The following ZNF385C variants were observed in gnomAD, a reference collection of about 807,000 sequenced individuals.
The protein encoded by ZNF385C is CTD-2132N18.2.
ZNF385C carries 28 observed loss-of-function variants against 35.4 expected under a neutral mutation model. The ratio of observed to expected loss-of-function variants is 0.79; its 90% CI spans 0.59 to 1.08. The LOEUF (loss-of-function observed/expected upper bound fraction) is 1.08. Among genes scored for constraint, ZNF385C ranks in the 50% least tolerant of loss-of-function variants. The pLI is 0.00. For synonymous variants in ZNF385C, 248 were observed against 248.2 expected, an observed-to-expected ratio of 1.00 and a Z score of 0.01; for missense variants, 605 against 595.6, an observed-to-expected ratio of 1.02 and a Z score of -0.16.
chr17:42,061,198 A>C, intron 2 of ZNF385C: 1 of 139,948 alleles, frequency 7.1e-6, no homozygotes, highest in Non-Finnish European at 1.5e-5. Flanking sequence ...TTGGTGAATT[A>C]ATGAGTTAAT....
intron 3 of ZNF385C, among the ~76,000 whole-genome samples, chr17:42,034,923 T>C (rs1555655293): frequency 6.6e-6 from 1 of 150,984 alleles, no homozygotes; most frequent in African/African-American, 2.4e-5. Context: ...GGTCAGGAGT[T>C]CAAGACCAGC....
At chr17:42,087,199 C>CA (rs1352787245) in intron 1 of ZNF385C, among the ~76,000 whole-genome samples, 1 of 151,766 alleles carries the variant, frequency 6.6e-6, no homozygotes, top group Non-Finnish European at 1.5e-5. Context: ...GGGTTAAGTA[C>CA]AAAAAAAGAC....
At chr17:42,040,559 G>A (rs1157341113) in intron 2 of ZNF385C, 6 of 1,232,730 alleles carry the variant, frequency 4.9e-6, no homozygotes, top group African/African-American at 1.6e-5. Context: ...AACTGGCGCA[G>A]GGCCAGGGCC....
chr17:42,031,622 T>C lies in ZNF385C; in HGVS notation c.673A>G (p.Lys225Glu), dbSNP rs1555655003. ...ASGAPGEPQS[K>E]VPAAPPLGPP... ...AAGAGAAGAGCTCAGGACTGACCTT[T>C]ACTCTGTGGCTCTCCAGGGGCTCCA... Residue 225 changes from lysine (K) to glutamate (E), a missense_variant, in exon 5 of 9, where the codon AAA (lysine) becomes GAA (glutamate). Physicochemically the swap from Lys to Glu is moderately conservative, Grantham distance 56. Transcript: ENST00000692273. 6.4e-7 allele frequency: 1 copy of C among 1,550,508 alleles called. No homozygotes were observed. The highest frequency in any genetic ancestry group is 1.2e-5 in the South Asian group (1 of 84,058).
intron 2 of ZNF385C, among the ~76,000 whole-genome samples, chr17:42,056,476 C>T (rs1212800669): frequency 6.6e-6 from 1 of 152,186 alleles, no homozygotes; most frequent in Non-Finnish European, 1.5e-5. Context: ...AGCCAGAAAC[C>T]TGGGGCTGGG....
chr17:42,082,265 G>A (rs1489250859), intron 1 of ZNF385C, among the ~76,000 whole-genome samples: 10 of 151,932 alleles, frequency 6.6e-5, no homozygotes, highest in African/African-American at 1.7e-4. Context: ...GGTATGACTC[G>A]TGACCTCAGT....
chr17:42,036,167 G>T (rs2052852138), intron 3 of ZNF385C, among the ~76,000 whole-genome samples: 1 of 151,272 alleles, frequency 6.6e-6, no homozygotes, highest in South Asian at 2.1e-4. Flanking sequence ...GCTAATTTTT[G>T]TATTTTTAGT....
intron 2 of ZNF385C, among the ~76,000 whole-genome samples, chr17:42,044,918 C>CTTTT (rs71157603): frequency 7.5e-6 from 1 of 132,608 alleles, no homozygotes; most frequent in Non-Finnish European, 1.6e-5. Context: ...CCAACTCTAC[C>CTTTT]TTTTTTTTTT....
chr17:42,066,443 C>T (rs2053547518), intron 1 of ZNF385C, among the ~76,000 whole-genome samples: 1 of 152,124 alleles, frequency 6.6e-6, no homozygotes, highest in Non-Finnish European at 1.5e-5. Context: ...TCATGATGTA[C>T]CTGGGTCACT....
chr17:42,053,360 C>T (rs1204775797), intron 2 of ZNF385C, among the ~76,000 whole-genome samples: 1 of 151,942 alleles, frequency 6.6e-6, no homozygotes, highest in Non-Finnish European at 1.5e-5. Flanking sequence ...TTGATTTGGA[C>T]CCCAGTGCAG....
intron 3 of ZNF385C, among the ~76,000 whole-genome samples, chr17:42,035,717 A>T (rs2052841160): frequency 6.6e-6 from 1 of 151,422 alleles, no homozygotes; most frequent in South Asian, 2.1e-4. Context: ...ACGTCTGGCT[A>T]ATTTTTGTTA....
chr17:42,027,748 A>T lies in ZNF385C; in HGVS notation c.1165-20T>A, dbSNP rs782795172. The T allele has an allele frequency of 1.1e-5, 18 of 1,606,912 alleles. No homozygotes were observed. The African/African-American group carries it at 2.4e-4, about 22-fold the overall frequency. On this transcript the variant is annotated intron_variant, in intron 7 of 8. Coordinates refer to ENST00000692273, the MANE Select transcript of ZNF385C (RefSeq NM_001392013.1). ...CATGTGCTAATGGACAGACAGACAG[A>T]CTGGGAACAAGATGACAAAGCCCAA...
intron 1 of ZNF385C, among the ~76,000 whole-genome samples, chr17:42,066,189 A>T (rs1385043044): frequency 6.6e-6 from 1 of 152,070 alleles, no homozygotes; most frequent in Non-Finnish European, 1.5e-5. Context: ...CCTCCCGAGT[A>T]GCTGGGACTA....
intron 2 of ZNF385C, chr17:42,043,239 G>A (rs782390728): frequency 5.7e-6 from 7 of 1,232,224 alleles, no homozygotes; most frequent in Non-Finnish European, 7.1e-6. Flanking sequence ...GGCGGCACTC[G>A]AGGCAGAACA....
At chr17:42,027,919 C>T in intron 7 of ZNF385C, 131 bp downstream of exon 7, 1 of 1,303,996 alleles carries the variant, frequency 7.7e-7, no homozygotes, top group Admixed American at 2.2e-5. Context: ...GGCCCACTGG[C>T]CTGCTGGCCT....
rs191488160 is a variant in ZNF385C at position 42,055,732 on chromosome 17, G to T, written c.250+7075C>A. On this transcript the variant is annotated intron_variant, in intron 2 of 8. Transcript: ENST00000692273. ...ATTAATCCATCTGCAGGGAGTGGGGGTGAGAAGCTCATCAAGCCAGTGACT... is the reference window on the plus strand; with the variant it reads ...ATTAATCCATCTGCAGGGAGTGGGGTTGAGAAGCTCATCAAGCCAGTGACT... Among the ~76,000 whole-genome samples the T allele has an allele frequency of 2.0e-3, 308 of 152,216 alleles. 3 individuals are homozygous for T. Among genetic ancestry groups the T allele is most frequent in the African/African-American group, 6.6e-3 (273 of 41,530 alleles).
intron 2 of ZNF385C, among the ~76,000 whole-genome samples, chr17:42,060,487 G>A (rs1192434538): frequency 2.6e-5 from 4 of 152,090 alleles, no homozygotes; most frequent in African/African-American, 9.7e-5. Context: ...CACACTGATG[G>A]CCAGTGACTT....
At chr17:42,072,472 G>T (rs749260459) in intron 1 of ZNF385C, among the ~76,000 whole-genome samples, 9 of 152,144 alleles carry the variant, frequency 5.9e-5, no homozygotes, top group Non-Finnish European at 1.0e-4. Flanking sequence ...AGCACGCGGC[G>T]GGCCCCCTCC....
intron 1 of ZNF385C, among the ~76,000 whole-genome samples, chr17:42,073,434 CA>C (rs201754826): frequency 3.1e-4 from 44 of 142,032 alleles, no homozygotes; most frequent in African/African-American, 3.9e-4. Flanking sequence ...AACTTCGTCT[CA>C]AAAAAAAAAA....
Sources: allele counts gnomAD v4.1 joint callset (sites outside exome capture counted in the v4.1 genomes callset), GRCh38; gene constraint gnomAD v4.1.1; transcripts MANE v1.5; gene names NCBI Gene and HGNC (gene_info 2026-07-23, HGNC 2026-07-21).